INO80: variants seen among roughly 807,000 people sequenced by gnomAD.
INO80 encodes INO80 complex ATPase subunit.
A neutral mutation model predicts 203.4 loss-of-function variants in INO80; 20 were observed. The ratio of observed to expected loss-of-function variants is 0.10; its 90% CI spans 0.07 to 0.14. The LOEUF is 0.14. INO80 is among the 10% of genes least tolerant of loss of function. INO80 has a pLI of 1.00. For synonymous variants in INO80, 726 were observed against 685.2 expected, an observed-to-expected ratio of 1.06 and a Z score of -0.93; for missense variants, 1,419 against 1,914.4, an observed-to-expected ratio of 0.74 and a Z score of 4.83.
At chr15:41,031,563 A>G (rs184971524) in intron 24 of INO80, among the ~76,000 whole-genome samples, 6 of 880 alleles carry the variant, frequency 6.8e-3, no homozygotes, top group East Asian at 0.083. Context: ...GGAAGGGAGG[A>G]AGGGAGGAAG....
intron 19 of INO80, among the ~76,000 whole-genome samples, chr15:41,053,697 T>C (rs2044928450): frequency 6.6e-6 from 1 of 152,218 alleles, no homozygotes; most frequent in African/African-American, 2.4e-5. Context: ...TTATACTATC[T>C]TTCTATTTTT....
At chr15:41,089,865 T>C (rs1167125565) in intron 5 of INO80, among the ~76,000 whole-genome samples, 1 of 152,040 alleles carries the variant, frequency 6.6e-6, no homozygotes, top group Non-Finnish European at 1.5e-5. Context: ...AGAGAAACAC[T>C]ACACCCAAAG....
At chr15:40,993,103 C>T (rs1423143718) in intron 29 of INO80, among the ~76,000 whole-genome samples, 1 of 152,202 alleles carries the variant, frequency 6.6e-6, no homozygotes, top group Non-Finnish European at 1.5e-5. Flanking sequence ...CCTAGAGCCC[C>T]TTTCTGGCCT....
intron 1 of INO80, among the ~76,000 whole-genome samples, chr15:41,110,427 G>A (rs1231160774): frequency 6.6e-6 from 1 of 151,398 alleles, no homozygotes; most frequent in African/African-American, 2.4e-5. Flanking sequence ...ACAGATTTAA[G>A]AAGCCACAGC....
At chr15:41,084,968 C>T (rs1304839806) in intron 7 of INO80, among the ~76,000 whole-genome samples, 1 of 152,170 alleles carries the variant, frequency 6.6e-6, no homozygotes, top group Non-Finnish European at 1.5e-5. Flanking sequence ...AACTCCTGGG[C>T]TCAAGCGATC....
intron 29 of INO80, among the ~76,000 whole-genome samples, chr15:40,995,581 A>G (rs2043870810): frequency 6.6e-6 from 1 of 152,212 alleles, no homozygotes; most frequent in Non-Finnish European, 1.5e-5. Flanking sequence ...AAGGGCAGAG[A>G]GAAACTAACA....
chr15:41,032,943 C>T (rs546842939), intron 24 of INO80, among the ~76,000 whole-genome samples: 3 of 152,154 alleles, frequency 2.0e-5, no homozygotes, highest in Admixed American at 6.6e-5. Context: ...GAGGCTGAGG[C>T]AGGAGAATCA....
chr15:40,982,804 G>C, intron 35 of INO80, 58 bp downstream of exon 35: 1 of 1,408,860 alleles, frequency 7.1e-7, no homozygotes, highest in Non-Finnish European at 9.8e-7. Flanking sequence ...CTGACTGACA[G>C]AATTTCTAGA....
chr15:41,052,477 A>G (rs1325251194), intron 19 of INO80, among the ~76,000 whole-genome samples: 1 of 151,734 alleles, frequency 6.6e-6, no homozygotes, highest in Admixed American at 6.6e-5. Context: ...GTTCAAGACT[A>G]GTCTGGGCAA....
intron 5 of INO80, among the ~76,000 whole-genome samples, chr15:41,090,141 TAAG>T (rs1268927809): frequency 1.3e-5 from 2 of 152,150 alleles, no homozygotes; most frequent in Non-Finnish European, 2.9e-5. Flanking sequence ...ATATTTGCAA[TAAG>T]AAGAAATGAA....
chr15:41,008,091 C>T (rs1596254128), intron 27 of INO80, among the ~76,000 whole-genome samples: 4 of 152,258 alleles, frequency 2.6e-5, no homozygotes, highest in Admixed American at 2.6e-4. Context: ...GGAAGATCAT[C>T]TGAGCCCAGG....
intron 29 of INO80, among the ~76,000 whole-genome samples, chr15:40,996,740 T>G (rs1006914876): frequency 1.3e-5 from 2 of 152,208 alleles, no homozygotes; most frequent in Non-Finnish European, 2.9e-5. Context: ...GAAATTACCC[T>G]TTTCATTGCT....
chr15:41,084,422 G>A (rs952428653), intron 7 of INO80, among the ~76,000 whole-genome samples: 5 of 152,072 alleles, frequency 3.3e-5, no homozygotes, highest in Non-Finnish European at 7.3e-5. Flanking sequence ...AGCTGGGCAT[G>A]GTGGCATCTG....
At chr15:41,010,083 C>T (rs1175758685) in intron 27 of INO80, among the ~76,000 whole-genome samples, 4 of 152,182 alleles carry the variant, frequency 2.6e-5, no homozygotes, top group African/African-American at 4.8e-5. Context: ...TTTTACTATA[C>T]AAGTTGAGAA....
chr15:41,069,519 A>G, intron 14 of INO80, 51 bp downstream of exon 14: 1 of 1,161,518 alleles, frequency 8.6e-7, no homozygotes, highest in Non-Finnish European at 1.3e-6. Flanking sequence ...AAGGAGAGTC[A>G]AAAAGTTTAT....
chr15:41,113,342 C>T (rs539983636), intron 1 of INO80, among the ~76,000 whole-genome samples: 4 of 152,252 alleles, frequency 2.6e-5, no homozygotes, highest in Admixed American at 2.6e-4. Context: ...TCTCGGCTCA[C>T]TGCAACCTCC....
chr15:41,029,483 T>C (rs1297140747), intron 24 of INO80, among the ~76,000 whole-genome samples: 1 of 152,242 alleles, frequency 6.6e-6, no homozygotes, highest in East Asian at 1.9e-4. Flanking sequence ...CTTTAGGTGG[T>C]TTCTGACTAC....
chr15:41,087,633 G>A lies in INO80; in HGVS notation c.587C>T (p.Pro196Leu). The A allele has an allele frequency of 6.2e-7, 1 of 1,613,832 alleles. No homozygotes were observed. Among genetic ancestry groups the A allele is most frequent in the Non-Finnish European group, 8.5e-7 (1 of 1,179,950 alleles). ...YSAGLLSTYD[P>L]FYEQQRHLLG... ...TAGGTGCCGTTGTTGCTCATAGAAA[G>A]GGTCATATGTGGAGAGCAGGCCTGC... is the stretch of plus-strand genomic sequence containing the variant. The change falls in exon 6 of 36, where the codon CCT becomes CTT. Residue 196 changes from proline (P) to leucine (L), a missense_variant. Coordinates refer to ENST00000648947, the MANE Select transcript of INO80 (RefSeq NM_017553.3).
chr15:41,027,518 T>G, intron 25 of INO80, 78 bp downstream of exon 25: 1 of 1,225,374 alleles, frequency 8.2e-7, no homozygotes, highest in Non-Finnish European at 1.1e-6. Context: ...CAATTCTGTT[T>G]AAGAAATAAA....
Sources: allele counts gnomAD v4.1 joint callset (sites outside exome capture counted in the v4.1 genomes callset), GRCh38; gene constraint gnomAD v4.1.1; transcripts MANE v1.5; gene names NCBI Gene and HGNC (gene_info 2026-07-23, HGNC 2026-07-21).